The following LRRC4C variants were observed in gnomAD, a reference collection of about 807,000 sequenced individuals.
The protein encoded by LRRC4C is leucine rich repeat containing 4C.
A neutral mutation model predicts 33.6 loss-of-function variants in LRRC4C; 5 were observed. The ratio of observed to expected loss-of-function variants is 0.15; its 90% CI spans 0.08 to 0.31. The LOEUF is 0.31. Ranked by LOEUF, LRRC4C falls within the 10% of genes least tolerant of loss-of-function variation. The pLI, the probability that LRRC4C is intolerant of heterozygous loss-of-function variation, is 1.00. For missense variants in LRRC4C, 560 were observed against 796.7 expected (o/e 0.70, Z 3.58); for synonymous variants, 329 against 302.0 (o/e 1.09, Z -0.93).
intron 2 of LRRC4C, among the ~76,000 whole-genome samples, chr11:40,876,234 C>G (rs938633228): frequency 2.1e-5 from 3 of 143,602 alleles, no homozygotes; most frequent in African/African-American, 7.7e-5. Context: ...ACAAATGGGT[C>G]ACAAGTCCAT....
At chr11:41,202,727 A>T (rs1175560249) in intron 1 of LRRC4C, among the ~76,000 whole-genome samples, 1 of 151,928 alleles carries the variant, frequency 6.6e-6, no homozygotes, top group African/African-American at 2.4e-5. Flanking sequence ...ATAAAGACAA[A>T]ATTTCCCCAA....
chr11:40,635,826 A>T (rs1187823683), intron 3 of LRRC4C, among the ~76,000 whole-genome samples: 1 of 151,466 alleles, frequency 6.6e-6, no homozygotes, highest in East Asian at 2.0e-4. Context: ...TTTTTAGTAG[A>T]GACGGGGTTT....
chr11:41,002,371 T>A (rs1266839759), intron 1 of LRRC4C, among the ~76,000 whole-genome samples: 1 of 152,160 alleles, frequency 6.6e-6, no homozygotes, highest in African/African-American at 2.4e-5. Flanking sequence ...AAATTACCCA[T>A]CATCCATCTT....
At chr11:40,714,406 G>A (rs1357880796) in intron 2 of LRRC4C, among the ~76,000 whole-genome samples, 1 of 152,142 alleles carries the variant, frequency 6.6e-6, no homozygotes, top group Non-Finnish European at 1.5e-5. Flanking sequence ...TTATCTCACA[G>A]CGTGCCTTGG....
chr11:40,640,179 T>C (rs1158024486), intron 3 of LRRC4C, among the ~76,000 whole-genome samples: 1 of 152,222 alleles, frequency 6.6e-6, no homozygotes. Context: ...GCTGCCACTC[T>C]TTTACACGTA....
intron 1 of LRRC4C, among the ~76,000 whole-genome samples, chr11:41,044,004 C>A (rs1468263610): frequency 6.6e-6 from 1 of 152,044 alleles, no homozygotes; most frequent in East Asian, 1.9e-4. Context: ...CCCTCCCCCA[C>A]ACACCTCATC....
chr11:41,123,261 G>GTTTTTTT lies in LRRC4C; in HGVS notation c.-495-189545_-495-189539dup, dbSNP rs1217714729. On this transcript the variant is annotated intron_variant, in intron 1 of 6. Transcript: ENST00000528697. Reference sequence around the variant, plus strand: ...CTTTCTCTATCCTGAGCTATGTTTTGTTTTTTTTTTTTTTTTTTTTTTTTT... The same window carrying GTTTTTTT: ...CTTTCTCTATCCTGAGCTATGTTTTGTTTTTTTTTTTTTTTTTTTTTTTTTTTTTTTT... 1.9e-3 allele frequency among the ~76,000 whole-genome samples: 90 copies of GTTTTTTT among 48,098 alleles called. 7 individuals carry two copies. The highest frequency in any genetic ancestry group is 4.9e-3 in the African/African-American group (85 of 17,320). The allele number at this position is 48,098 out of a possible 152,430, so 31.6% of individuals were successfully genotyped here. A position where few individuals can be genotyped will look rare whatever the true frequency, so the allele number is the denominator to read the frequency against.
intron 1 of LRRC4C, among the ~76,000 whole-genome samples, chr11:41,089,294 T>C (rs1437148394): frequency 6.6e-6 from 1 of 151,946 alleles, no homozygotes; most frequent in Admixed American, 6.6e-5. Context: ...CAGTGGCCAC[T>C]TGATCGGTAG....
rs145954448 is a variant in LRRC4C, at chr11:40,927,705, G to T, written c.-407+5930C>A. ...AAAGCCTCTTCGGGCAGTTAAAAAT[G>T]GATTAATAGCAAAGGGCATATTGAT... On this transcript the variant is annotated intron_variant, in intron 2 of 6. Coordinates refer to ENST00000528697, the MANE Select transcript of LRRC4C (RefSeq NM_001258419.2). 2.2e-4 allele frequency among the ~76,000 whole-genome samples: 34 copies of T among 152,034 alleles called. 1 individual carries two copies. The East Asian group carries it at 5.4e-3, about 24-fold the overall frequency.
At chr11:41,210,589 T>C (rs1946783634) in intron 1 of LRRC4C, among the ~76,000 whole-genome samples, 1 of 152,158 alleles carries the variant, frequency 6.6e-6, no homozygotes, top group African/African-American at 2.4e-5. Context: ...TTGGTCATAA[T>C]GGTTATTGTG....
At chr11:40,350,997 A>C (rs1462791045) in intron 3 of LRRC4C, among the ~76,000 whole-genome samples, 1 of 151,858 alleles carries the variant, frequency 6.6e-6, no homozygotes. Flanking sequence ...GAGTTTTCAA[A>C]TTTTTCCAAA....
intron 3 of LRRC4C, among the ~76,000 whole-genome samples, chr11:40,337,995 C>A (rs1414632235): frequency 6.6e-6 from 1 of 152,184 alleles, no homozygotes; most frequent in East Asian, 1.9e-4. Context: ...ACAACTCTTA[C>A]CTTTCTAAAG....
intron 1 of LRRC4C, among the ~76,000 whole-genome samples, chr11:41,043,068 C>CTTTTTTTTT (rs67605827): frequency 1.2e-4 from 9 of 75,800 alleles, no homozygotes; most frequent in African/African-American, 1.5e-4. Context: ...CAGAATAGAC[C>CTTTTTTTTT]TTTTTTTTTT....
At chr11:41,285,495 G>A (rs1254546854) in intron 1 of LRRC4C, among the ~76,000 whole-genome samples, 1 of 152,154 alleles carries the variant, frequency 6.6e-6, no homozygotes, top group East Asian at 1.9e-4. Context: ...TAAGCTAACA[G>A]CCTAGTAGGG....
At chr11:40,447,857 C>T (rs142780190) in intron 3 of LRRC4C, among the ~76,000 whole-genome samples, 2,228 of 152,240 alleles carry the variant, frequency 0.015, 48 homozygotes, top group African/African-American at 0.05. Flanking sequence ...CGCTCTGTTG[C>T]CCAGGCTGGA....
intron 1 of LRRC4C, among the ~76,000 whole-genome samples, chr11:41,445,105 T>C (rs1297110496): frequency 1.3e-5 from 2 of 152,146 alleles, no homozygotes; most frequent in Non-Finnish European, 2.9e-5. Context: ...GCCCGACATC[T>C]AACTTAATTT....
intron 2 of LRRC4C, among the ~76,000 whole-genome samples, chr11:40,751,393 T>G (rs1394410922): frequency 6.6e-6 from 1 of 152,130 alleles, no homozygotes; most frequent in Non-Finnish European, 1.5e-5. Context: ...AAAACTCTTA[T>G]AGCTGATAAG....
intron 3 of LRRC4C, among the ~76,000 whole-genome samples, chr11:40,509,606 C>G (rs146896274): frequency 1.3e-5 from 2 of 151,854 alleles, no homozygotes; most frequent in Non-Finnish European, 2.9e-5. Flanking sequence ...TTCTTTAGTG[C>G]ATTTCATAGT....
chr11:41,187,631 T>A (rs181275404), intron 1 of LRRC4C, among the ~76,000 whole-genome samples: 54 of 152,324 alleles, frequency 3.5e-4, no homozygotes, highest in African/African-American at 1.2e-3. Flanking sequence ...GTAAGAACCC[T>A]GGGATACAGA....
Sources: allele counts gnomAD v4.1 joint callset (sites outside exome capture counted in the v4.1 genomes callset), GRCh38; gene constraint gnomAD v4.1.1; transcripts MANE v1.5; gene names NCBI Gene and HGNC (gene_info 2026-07-23, HGNC 2026-07-21).